The following EVI5L variants were observed in gnomAD, a reference collection of about 807,000 sequenced individuals.
The protein encoded by EVI5L is ecotropic viral integration site 5 like, also known as EVI5-like protein.
EVI5L carries 30 observed loss-of-function variants against 106.1 expected under a neutral mutation model. The ratio of observed to expected loss-of-function variants is 0.28; its 90% confidence interval spans 0.21 to 0.38. The LOEUF is 0.38. Ranked by LOEUF, EVI5L falls within the 10% of genes least tolerant of loss-of-function variation. The pLI, the probability that EVI5L is intolerant of heterozygous loss-of-function variation, is 1.00. For synonymous variants in EVI5L, 489 were observed against 483.3 expected (o/e 1.01, Z -0.15); for missense variants, 809 against 1,098.0 (o/e 0.74, Z 3.72).
At chr19:7,853,014 A>T (rs1002167481) in intron 8 of EVI5L, 72 bp from the exon 9 acceptor site, 3 of 1,522,270 alleles carry the variant, frequency 2.0e-6, no homozygotes, top group Non-Finnish European at 2.7e-6. Context: ...CTCCAGGGCA[A>T]CAGGGCTCGG....
rs898359208 is a variant in EVI5L at position 7,850,506 on chromosome 19, G to A, written c.753+384G>A. The stretch of plus-strand genomic sequence containing the variant: ...GCCTGATTACTGGAGAGCCGCAGAC[G>A]TCTGTTTATAAATAGCAGCCCCCGC... On this transcript the variant is annotated intron_variant, in intron 6 of 19. Transcript: ENST00000538904. This position sits in a 1 kb window ranked among gnomAD's most constrained non-coding sequence, Gnocchi z 5.4. 5.3e-5 allele frequency among the ~76,000 whole-genome samples: 8 copies of A among 152,134 alleles called. No homozygotes were observed. Among genetic ancestry groups the A allele is most frequent in the African/African-American group, 1.4e-4 (6 of 41,428 alleles).
Position 7,863,988 on chromosome 19 carries a change from T to G in EVI5L, c.*286T>G, listed in dbSNP as rs1979996955. On this transcript the variant is annotated 3_prime_UTR_variant, in exon 20 of 20. Transcript: ENST00000538904. The surrounding 1 kb of genome is among the most constrained non-coding windows in gnomAD (Gnocchi z 7.7). Reference sequence around the variant, plus strand: ...GTGCCTGGAGGGGCTGACTGCTCTCTTAACAGGAGGGCAGAGGGCAGGGGA... The same window carrying G: ...GTGCCTGGAGGGGCTGACTGCTCTCGTAACAGGAGGGCAGAGGGCAGGGGA... The G allele has an allele frequency of 4.8e-6, 2 of 413,802 alleles. No homozygotes were observed. The highest frequency in any genetic ancestry group is 8.5e-6 in the Non-Finnish European group (2 of 233,948). 25.6% of individuals were successfully genotyped at this position (413,802 alleles called of 1,614,324 possible). A position where few individuals can be genotyped will look rare whatever the true frequency, so the allele number is the denominator to read the frequency against.
intron 1 of EVI5L, among the ~76,000 whole-genome samples, chr19:7,837,797 G>T (rs1406757731): frequency 6.6e-6 from 1 of 152,124 alleles, no homozygotes; most frequent in African/African-American, 2.4e-5. Flanking sequence ...TCTGCCTCCT[G>T]GGTTCAAGCG....
At position 7,857,287 on chromosome 19, in the gene EVI5L, G is replaced by T. The variant is rs967236177; in HGVS notation, c.1233+163G>T. ...CTTCTGGGGGACACAGAGGCTTCCCGGGGGGGCGGGGCATGTGAAGTGGGG... is the reference window on the plus strand; with the variant it reads ...CTTCTGGGGGACACAGAGGCTTCCCTGGGGGGCGGGGCATGTGAAGTGGGG... On this transcript the variant is annotated intron_variant, in intron 12 of 19. Coordinates refer to ENST00000538904, the MANE Select transcript of EVI5L (RefSeq NM_001159944.3). This position sits in a 1 kb window ranked among gnomAD's most constrained non-coding sequence, Gnocchi z 4.5. 2 of 889,244 alleles carry T rather than the reference G, an allele frequency of 2.2e-6. No homozygotes were observed. Among genetic ancestry groups the T allele is most frequent in the Non-Finnish European group, 3.5e-6 (2 of 565,750 alleles). The allele number at this position is 889,244 out of a possible 1,614,324, so 55.1% of individuals were successfully genotyped here. A position where few individuals can be genotyped will look rare whatever the true frequency, so the allele number is the denominator to read the frequency against.
chr19:7,855,672 G>A (rs926085869), intron 10 of EVI5L, among the ~76,000 whole-genome samples: 3 of 152,184 alleles, frequency 2.0e-5, no homozygotes, highest in African/African-American at 4.8e-5. Context: ...ACTGATTCCC[G>A]CACAACCCTT....
intron 1 of EVI5L, among the ~76,000 whole-genome samples, chr19:7,843,049 G>A (rs1030733796): frequency 1.8e-4 from 26 of 145,470 alleles, no homozygotes; most frequent in Non-Finnish European, 3.1e-4. Context: ...AATAGGCATG[G>A]CTGTGTGTCG....
chr19:7,843,404 A>ATAGGTGT (rs1568235259), intron 1 of EVI5L, among the ~76,000 whole-genome samples: 3 of 27,266 alleles, frequency 1.1e-4, no homozygotes, highest in Non-Finnish European at 2.4e-4. Context: ...TAGGTGTGTG[A>ATAGGTGT]GTGTGAGAAT....
intron 2 of EVI5L, among the ~76,000 whole-genome samples, chr19:7,846,937 C>A (rs1403025976): frequency 6.6e-6 from 1 of 152,200 alleles, no homozygotes; most frequent in Admixed American, 6.5e-5. Flanking sequence ...TTAATGGAGC[C>A]AGGACTGGAG....
chr19:7,851,865 G>C (rs556977558), intron 8 of EVI5L, 95 bp downstream of exon 8: 9 of 1,170,950 alleles, frequency 7.7e-6, no homozygotes, highest in African/African-American at 1.6e-5. Context: ...GCCCGGCTTC[G>C]AGGGTGGAAG....
chr19:7,853,606 A>T (rs920229742), intron 10 of EVI5L: 60 of 535,950 alleles, frequency 1.1e-4, no homozygotes, highest in Non-Finnish European at 1.6e-4. Flanking sequence ...TCAATAAACC[A>T]CTGAACTAGA....
In EVI5L at chr19:7,856,502, G is replaced by GCTCACGCCTGTAATCCCAGCA. The variant is rs1416425382; in HGVS notation, c.1200+434_1200+435insCTCACGCCTGTAATCCCAGCA. ...GGAGGAGAAGCGTGGCGCCATGGTG[G>GCTCACGCCTGTAATCCCAGCA]GGAGCCACAGCCCGGACTCTGCTCC... On this transcript the variant is annotated intron_variant, in intron 11 of 19. Coordinates refer to ENST00000538904, the MANE Select transcript of EVI5L (RefSeq NM_001159944.3). The surrounding 1 kb of genome is among the most constrained non-coding windows in gnomAD (Gnocchi z 6.6). Among the ~76,000 whole-genome samples, 2 of 152,022 alleles carry GCTCACGCCTGTAATCCCAGCA rather than the reference G, an allele frequency of 1.3e-5. No individual in the cohort carries two copies. The highest frequency in any genetic ancestry group is 4.8e-5 in the African/African-American group (2 of 41,398).
rs111615259 is a variant in EVI5L at position 7,860,349 on chromosome 19, C to T, written c.1375-212C>T. On this transcript the variant is annotated intron_variant, in intron 13 of 19. Coordinates refer to ENST00000538904, the MANE Select transcript of EVI5L (RefSeq NM_001159944.3). ...CTTTCAGAATGTCCCCTCTGTGCAG[C>T]CTTTCCAGGAAGGAAGCTGGACCGG... 1.9e-3 allele frequency among the ~76,000 whole-genome samples: 296 copies of T among 152,298 alleles called. 1 individual carries two copies. Among genetic ancestry groups the T allele is most frequent in the African/African-American group, 6.4e-3 (266 of 41,568 alleles).
chr19:7,832,090 G>A (rs755461168), intron 1 of EVI5L, among the ~76,000 whole-genome samples: 5 of 152,186 alleles, frequency 3.3e-5, no homozygotes, highest in Non-Finnish European at 7.3e-5. Flanking sequence ...GTGTCTTTCC[G>A]TCTTTTGTGG....
intron 1 of EVI5L, among the ~76,000 whole-genome samples, chr19:7,842,531 A>G (rs1329127867): frequency 7.0e-6 from 1 of 143,314 alleles, no homozygotes; most frequent in Non-Finnish European, 1.5e-5. Context: ...ATGTCTGTGA[A>G]TTGGGGTGTA....
chr19:7,853,483 G>T, intron 10 of EVI5L, 150 bp downstream of exon 10: 1 of 1,055,874 alleles, frequency 9.5e-7, no homozygotes. Flanking sequence ...GCCCACCTGC[G>T]CCGTCCTTCA....
intron 1 of EVI5L, among the ~76,000 whole-genome samples, chr19:7,840,892 G>A (rs1978570543): frequency 6.6e-6 from 1 of 152,130 alleles, no homozygotes; most frequent in African/African-American, 2.4e-5. Flanking sequence ...GATTGTTTCT[G>A]CTTTTTGGCT....
At chr19:7,843,693 T>C (rs1978815569) in intron 1 of EVI5L, among the ~76,000 whole-genome samples, 1 of 151,832 alleles carries the variant, frequency 6.6e-6, no homozygotes, top group Admixed American at 6.6e-5. Flanking sequence ...TGTGTGAGAA[T>C]AGGCATGGGT....
chr19:7,855,402 A>G (rs1440866879), intron 10 of EVI5L, among the ~76,000 whole-genome samples: 2 of 152,168 alleles, frequency 1.3e-5, no homozygotes, highest in Admixed American at 6.5e-5. Flanking sequence ...TAAAACCGCA[A>G]ATATCTAGCC....
rs1217479534 is a variant in EVI5L, at chr19:7,857,283, T to TC, written c.1233+162dup. 2 of 950,146 alleles carry TC rather than the reference T, an allele frequency of 2.1e-6. No homozygotes were observed. Among genetic ancestry groups the TC allele is most frequent in the African/African-American group, 3.3e-5 (2 of 61,400 alleles). The allele number at this position is 950,146 out of a possible 1,614,324, so 58.9% of individuals were successfully genotyped here. ...ACCGCTTCTGGGGGACACAGAGGCT[T>TC]CCCGGGGGGGCGGGGCATGTGAAGT... On this transcript the variant is annotated intron_variant, in intron 12 of 19. Transcript: ENST00000538904. This position sits in a 1 kb window ranked among gnomAD's most constrained non-coding sequence, Gnocchi z 4.5.
Sources: gnomAD v4.1 joint callset for allele counts (sites outside exome capture counted in the v4.1 genomes callset) on GRCh38, gnomAD v4.1.1 for gene constraint, Gnocchi (gnomAD v3.1) non-coding constraint, MANE v1.5 for transcripts, NCBI Gene and HGNC (gene_info 2026-07-23, HGNC 2026-07-21) for gene names.